ARHGAP42: variants seen among roughly 807,000 people sequenced by gnomAD.
ARHGAP42 encodes the protein rho GTPase-activating protein 42.
A neutral mutation model predicts 125.0 loss-of-function variants in ARHGAP42; 63 were observed. That is an observed-to-expected ratio of 0.50 (90% confidence interval 0.41 to 0.62). The LOEUF is 0.62. Ranked by LOEUF, ARHGAP42 falls within the 20% of genes least tolerant of loss-of-function variation. The pLI, the probability that ARHGAP42 is intolerant of heterozygous loss-of-function variation, is 0.00. For missense variants in ARHGAP42, 766 were observed against 1,024.2 expected (o/e 0.75, Z 3.44); for synonymous variants, 339 against 351.0 (o/e 0.97, Z 0.38).
chr11:100,950,097 A>C, intron 12 of ARHGAP42, 141 bp downstream of exon 12: 1 of 402,378 alleles, frequency 2.5e-6, no homozygotes, highest in Non-Finnish European at 4.2e-6. Context: ...TTTTATTTAA[A>C]ATGTTTCTCA....
chr11:100,963,198 C>T (rs959602679), intron 16 of ARHGAP42, among the ~76,000 whole-genome samples: 1 of 152,186 alleles, frequency 6.6e-6, no homozygotes, highest in Non-Finnish European at 1.5e-5. Context: ...GCAGGTGCTT[C>T]CATCAATCCC....
intron 21 of ARHGAP42, among the ~76,000 whole-genome samples, chr11:100,977,328 C>T (rs894708431): frequency 2.0e-5 from 3 of 152,308 alleles, no homozygotes; most frequent in African/African-American, 7.2e-5. Flanking sequence ...GAGACTGCCA[C>T]GCATTGACTA....
At position 100,959,870 on chromosome 11, in the gene ARHGAP42, C is replaced by G. The variant is rs761864444; in HGVS notation, c.1163-13C>G. On this transcript the variant is annotated splice_polypyrimidine_tract_variant and intron_variant, in intron 12 of 23. Coordinates refer to ENST00000298815, the MANE Select transcript of ARHGAP42 (RefSeq NM_152432.4). The stretch of plus-strand genomic sequence containing the variant: ...AGCGTAAACACCTAATGCGATTTCT[C>G]TCTTATTTTCAGTGTATTTGAATGA... 3 of 1,550,884 alleles carry G rather than the reference C, an allele frequency of 1.9e-6. No homozygotes were observed. The highest frequency in any genetic ancestry group is 2.4e-5 in the South Asian group (2 of 84,016).
chr11:100,687,628 C>T lies in ARHGAP42; in HGVS notation c.-51C>T. ...GCCGCGGCCGCCGGCTGCCCCCGCC[C>T]TGACCTCCGGCCCGGACGTGTCCGC... On this transcript the variant is annotated 5_prime_UTR_variant, in exon 1 of 24. Transcript: ENST00000298815. 7.8e-7 allele frequency: 1 copy of T among 1,280,692 alleles called. No individual in the cohort carries two copies. The highest frequency in any genetic ancestry group is 3.4e-5 in the East Asian group (1 of 29,792). The allele number at this position is 1,280,692 out of a possible 1,614,324, so 79.3% of individuals were successfully genotyped here. A position where few individuals can be genotyped will look rare whatever the true frequency, so the allele number is the denominator to read the frequency against.
At chr11:100,786,448 A>G (rs1863435596) in intron 2 of ARHGAP42, among the ~76,000 whole-genome samples, 1 of 152,154 alleles carries the variant, frequency 6.6e-6, no homozygotes, top group Non-Finnish European at 1.5e-5. Context: ...TGAAAATGAA[A>G]TGTTGTCCTT....
At position 100,949,933 on chromosome 11, in the gene ARHGAP42, C is replaced by T; in HGVS notation, c.1139C>T (p.Ala380Val). 6.8e-7 allele frequency: 1 copy of T among 1,471,886 alleles called. No homozygotes were observed. Among genetic ancestry groups the T allele is most frequent in the South Asian group, 1.3e-5 (1 of 77,912 alleles). 91.2% of individuals were successfully genotyped at this position (1,471,886 alleles called of 1,614,324 possible). ...DGKEPIYTLP[A>V]IISKKEEMYL... ...GTTTTTTAGATTTATACTCTGCCTGCCATTATAAGCAAGAAAGAAGAAAGT... is the reference window on the plus strand; with the variant it reads ...GTTTTTTAGATTTATACTCTGCCTGTCATTATAAGCAAGAAAGAAGAAAGT... The change falls in exon 12 of 24, where the codon GCC (alanine) becomes GTC (valine). Residue 380 changes from alanine (A) to valine (V), a missense_variant. Coordinates refer to ENST00000298815, the MANE Select transcript of ARHGAP42 (RefSeq NM_152432.4).
chr11:100,915,540 G>T (rs947800881), intron 5 of ARHGAP42, among the ~76,000 whole-genome samples: 1 of 152,162 alleles, frequency 6.6e-6, no homozygotes, highest in African/African-American at 2.4e-5. Flanking sequence ...TTAAGGAAAT[G>T]ATAACATTAT....
At chr11:100,915,493 G>A (rs928899974) in intron 5 of ARHGAP42, among the ~76,000 whole-genome samples, 7 of 152,056 alleles carry the variant, frequency 4.6e-5, no homozygotes, top group African/African-American at 9.7e-5. Flanking sequence ...AATAAATATC[G>A]GAAGTCATCC....
At chr11:100,732,804 A>G (rs1258755567) in intron 1 of ARHGAP42, among the ~76,000 whole-genome samples, 1 of 152,230 alleles carries the variant, frequency 6.6e-6, no homozygotes, top group Non-Finnish European at 1.5e-5. Context: ...AACCTTAAGC[A>G]GCAATTTTAC....
At chr11:100,969,608 G>T (rs762563101) in intron 17 of ARHGAP42, among the ~76,000 whole-genome samples, 1 of 151,476 alleles carries the variant, frequency 6.6e-6, no homozygotes, top group African/African-American at 2.4e-5. Flanking sequence ...TTCAGCTATT[G>T]TGCTTTTCAA....
chr11:100,796,838 T>G (rs1863729208), intron 3 of ARHGAP42, among the ~76,000 whole-genome samples: 2 of 151,384 alleles, frequency 1.3e-5, no homozygotes, highest in African/African-American at 4.9e-5. Flanking sequence ...GGCGCGATCT[T>G]TGCTCACTGC....
chr11:100,712,482 A>G (rs1329405500), intron 1 of ARHGAP42, among the ~76,000 whole-genome samples: 2 of 152,194 alleles, frequency 1.3e-5, no homozygotes, highest in African/African-American at 2.4e-5. Flanking sequence ...GGTGTGCAAA[A>G]TGTATCAGGG....
At position 100,973,216 on chromosome 11, in the gene ARHGAP42, A is replaced by G. The variant is rs747964012; in HGVS notation, c.1592A>G (p.Asn531Ser). ...CAACAAAATCTCATGACTGTCTCAA[A>G]TCTTGGTGTCATATTTGGCCCAACT... ...HSQQNLMTVS[N>S]LGVIFGPTLM... The change falls in exon 18 of 24, where the codon AAT (asparagine) becomes AGT (serine). Residue 531 changes from asparagine to serine, a missense_variant. Asn to Ser is a conservative substitution (Grantham distance 46). This residue lies in a region of ARHGAP42 where 455 missense variants were observed against 636.5 expected (regional missense o/e 0.71). Coordinates refer to ENST00000298815, the MANE Select transcript of ARHGAP42 (RefSeq NM_152432.4). 3 of 1,551,024 alleles carry G rather than the reference A, an allele frequency of 1.9e-6. No homozygotes were observed. The South Asian group carries it at 3.6e-5, about 18-fold the overall frequency.
intron 4 of ARHGAP42, among the ~76,000 whole-genome samples, chr11:100,910,168 A>T (rs1460506517): frequency 6.6e-6 from 1 of 152,066 alleles, no homozygotes; most frequent in Non-Finnish European, 1.5e-5. Flanking sequence ...GTTTTTGAGG[A>T]TATATTTTAT....
Position 100,956,832 on chromosome 11 carries a change from C to G in ARHGAP42, c.1163-3051C>G, listed in dbSNP as rs552974106. Among the ~76,000 whole-genome samples the G allele has an allele frequency of 3.3e-5, 5 of 152,154 alleles. No individual in the cohort carries two copies. The South Asian group carries it at 1.0e-3, about 32-fold the overall frequency. On this transcript the variant is annotated intron_variant, in intron 12 of 23. Coordinates refer to ENST00000298815, the MANE Select transcript of ARHGAP42 (RefSeq NM_152432.4). ...CTGTTTGAAGAAACAGATCATTGCT[C>G]TATCCATGAATATTTTAAAAATAAG...
At chr11:100,813,182 C>T (rs554002379) in intron 3 of ARHGAP42, among the ~76,000 whole-genome samples, 28 of 151,952 alleles carry the variant, frequency 1.8e-4, no homozygotes, top group African/African-American at 6.5e-4. Context: ...TCCACCTCAG[C>T]ACTGTTGATA....
rs1858463080 is a variant in ARHGAP42, at chr11:100,979,008, G to C, written c.2415G>C (p.Leu805=). The C allele has an allele frequency of 1.3e-6, 2 of 1,551,368 alleles. No homozygotes were observed. The highest frequency in any genetic ancestry group is 1.7e-6 in the Non-Finnish European group (2 of 1,146,844). ...TCAGAGTGGCAGCAAAAGCTCAACT[G>C]TTTGAAAATGTTGGTTCACCTAAAC... ...PGSVVAAKAQ[L]FENVGSPKPV... is the part of the protein sequence containing the mutation. Residue 805 remains leucine, a synonymous_variant, in exon 22 of 24, where the codon CTG becomes CTC. Coordinates refer to ENST00000298815, the MANE Select transcript of ARHGAP42 (RefSeq NM_152432.4).
At chr11:100,799,463 T>A (rs1263786590) in intron 3 of ARHGAP42, among the ~76,000 whole-genome samples, 3 of 152,194 alleles carry the variant, frequency 2.0e-5, no homozygotes, top group Non-Finnish European at 4.4e-5. Flanking sequence ...TTATATGTGA[T>A]CCTTACTCTA....
intron 1 of ARHGAP42, among the ~76,000 whole-genome samples, chr11:100,702,027 G>C (rs998276195): frequency 5.3e-5 from 8 of 151,942 alleles, no homozygotes; most frequent in Non-Finnish European, 1.5e-5. Flanking sequence ...TATTACACCT[G>C]TAATCCCAGC....
Sources: allele counts gnomAD v4.1 joint callset (sites outside exome capture counted in the v4.1 genomes callset), GRCh38; gene constraint gnomAD v4.1.1; regional missense constraint gnomAD v4.1.1; transcripts MANE v1.5; gene names NCBI Gene and HGNC (gene_info 2026-07-23, HGNC 2026-07-21).